The following NUDCD1 variants were observed in gnomAD, a reference collection of about 807,000 sequenced individuals.
NUDCD1 encodes NudC domain containing 1.
NUDCD1 carries 60 observed loss-of-function variants against 67.8 expected under a neutral mutation model. The observed-to-expected ratio is 0.88, with a 90% confidence interval of 0.72 to 1.10. The LOEUF is 1.10. Among genes scored for constraint, NUDCD1 ranks in the 50% least tolerant of loss-of-function variants. The probability of loss-of-function intolerance (pLI) is 0.00; values close to 1 mark genes in which losing one functional copy is unlikely to be tolerated. For missense variants in NUDCD1, 643 were observed against 695.0 expected (o/e 0.93, Z 0.84); for synonymous variants, 244 against 230.8 (o/e 1.06, Z -0.52).
At chr8:109,293,978 C>T (rs1056469961) in intron 3 of NUDCD1, among the ~76,000 whole-genome samples, 1 of 151,936 alleles carries the variant, frequency 6.6e-6, no homozygotes, top group Non-Finnish European at 1.5e-5. Context: ...TTAAAATAAT[C>T]CTAAAGTGTT....
chr8:109,330,699 A>G (rs1356060286), intron 1 of NUDCD1, among the ~76,000 whole-genome samples: 3 of 152,186 alleles, frequency 2.0e-5, no homozygotes, highest in African/African-American at 7.2e-5. Flanking sequence ...ATGGAATACT[A>G]TGCAGCCATA....
intron 1 of NUDCD1, among the ~76,000 whole-genome samples, chr8:109,323,598 A>G (rs1193341102): frequency 1.3e-5 from 2 of 152,082 alleles, no homozygotes; most frequent in Non-Finnish European, 2.9e-5. Context: ...CTATTTGGGG[A>G]GATTAACAAA....
At chr8:109,297,205 T>C (rs1164912157) in intron 2 of NUDCD1, among the ~76,000 whole-genome samples, 1 of 152,216 alleles carries the variant, frequency 6.6e-6, no homozygotes, top group Non-Finnish European at 1.5e-5. Flanking sequence ...AGATCAGTAT[T>C]TTTAACTCAC....
intron 8 of NUDCD1, among the ~76,000 whole-genome samples, chr8:109,251,951 C>T (rs1326002394): frequency 1.3e-5 from 2 of 152,124 alleles, no homozygotes; most frequent in South Asian, 2.1e-4. Context: ...GTTTCATCTT[C>T]GTTCAATACA....
rs547423699 is a variant in NUDCD1 at position 109,249,243 on chromosome 8, A to G, written c.1300-3762T>C. 5.5e-4 allele frequency among the ~76,000 whole-genome samples: 84 copies of G among 152,306 alleles called. 1 individual carries two copies. The highest frequency in any genetic ancestry group is 3.4e-3 in the Middle Eastern group (1 of 294). The stretch of plus-strand genomic sequence containing the variant: ...TATTACCTGTCTAGGAAAGCCCTTA[A>G]TAAGTATTAATGTTAATTATTACCC... On this transcript the variant is annotated intron_variant, in intron 8 of 9. Transcript: ENST00000239690.
At chr8:109,265,394 T>G (rs1389542425) in intron 8 of NUDCD1, among the ~76,000 whole-genome samples, 1 of 152,168 alleles carries the variant, frequency 6.6e-6, no homozygotes, top group East Asian at 1.9e-4. Flanking sequence ...TTTTAAATGT[T>G]TTTTAAACTA....
At chr8:109,251,926 T>C (rs1813631654) in intron 8 of NUDCD1, among the ~76,000 whole-genome samples, 1 of 152,170 alleles carries the variant, frequency 6.6e-6, no homozygotes, top group African/African-American at 2.4e-5. Flanking sequence ...TTTAGCTGTA[T>C]TCCACGTGTG....
rs1412119052 is a variant in NUDCD1, at chr8:109,246,436, T to C, written c.1300-955A>G. Among the ~76,000 whole-genome samples the C allele has an allele frequency of 5.3e-5, 8 of 152,312 alleles. No individual in the cohort carries two copies. The East Asian group carries it at 1.5e-3, about 29-fold the overall frequency. ...AGGCTAAAGAGAAATATCACAATGC[T>C]GGAATTCACACTCAGATGTTTAAAA... On this transcript the variant is annotated intron_variant, in intron 8 of 9. Transcript: ENST00000239690.
At position 109,243,142 on chromosome 8, in the gene NUDCD1, C is replaced by G. The variant is rs1229138907; in HGVS notation, c.1619G>C (p.Gly540Ala). The G allele has an allele frequency of 1.9e-6, 3 of 1,613,872 alleles. No homozygotes were observed. Among genetic ancestry groups the G allele is most frequent in the Admixed American group, 3.3e-5 (2 of 60,010 alleles). The change falls in exon 10 of 10, where the codon GGA becomes GCA. Residue 540 changes from glycine (G) to alanine (A), a missense_variant. Physicochemically the swap from Gly to Ala is moderately conservative, Grantham distance 60. Transcript: ENST00000239690. ...TGCTACTTGCTGCTTAGCAACCTGT[C>G]CTACTTGCCTGCCTTCCTTTCTGTT... ...LYNRKEGRQV[G>A]QVAKQQVASL...
At chr8:109,307,710 T>C (rs970509670) in intron 2 of NUDCD1, among the ~76,000 whole-genome samples, 3 of 152,168 alleles carry the variant, frequency 2.0e-5, no homozygotes, top group Non-Finnish European at 4.4e-5. Context: ...TGGATAAGAA[T>C]TCATCAACCC....
At chr8:109,274,813 T>C (rs950325479) in intron 7 of NUDCD1, among the ~76,000 whole-genome samples, 1 of 152,154 alleles carries the variant, frequency 6.6e-6, no homozygotes, top group African/African-American at 2.4e-5. Flanking sequence ...ACTGCTGTAT[T>C]TGTTCACATT....
chr8:109,332,537 T>C (rs1188143346), intron 1 of NUDCD1, among the ~76,000 whole-genome samples: 1 of 152,058 alleles, frequency 6.6e-6, no homozygotes, highest in African/African-American at 2.4e-5. Context: ...CCTCCAAACA[T>C]ATGAGGAAGT....
chr8:109,248,780 C>T (rs1299008089), intron 8 of NUDCD1, among the ~76,000 whole-genome samples: 2 of 151,526 alleles, frequency 1.3e-5, no homozygotes, highest in Non-Finnish European at 2.9e-5. Flanking sequence ...CGAAACCTGA[C>T]CCCAGCATAC....
chr8:109,294,420 C>G (rs1814790215), intron 3 of NUDCD1, among the ~76,000 whole-genome samples: 2 of 151,758 alleles, frequency 1.3e-5, no homozygotes, highest in Admixed American at 1.3e-4. Flanking sequence ...ACAGAAAAAA[C>G]AAAAGCTTAA....
At chr8:109,246,858 A>C (rs979830538) in intron 8 of NUDCD1, among the ~76,000 whole-genome samples, 1 of 152,160 alleles carries the variant, frequency 6.6e-6, no homozygotes, top group Non-Finnish European at 1.5e-5. Context: ...CCTGACCTGA[A>C]TTCAACAGGG....
At chr8:109,249,716 C>T (rs577946559) in intron 8 of NUDCD1, among the ~76,000 whole-genome samples, 1 of 152,184 alleles carries the variant, frequency 6.6e-6, no homozygotes, top group South Asian at 2.1e-4. Context: ...ATACTCAAAA[C>T]CAAGTACCTT....
At chr8:109,311,165 A>G (rs2060201016) in intron 2 of NUDCD1, among the ~76,000 whole-genome samples, 1 of 152,172 alleles carries the variant, frequency 6.6e-6, no homozygotes. Flanking sequence ...AAAGCATATG[A>G]AAAACTCAAC....
chr8:109,248,694 C>G (rs1813554793), intron 8 of NUDCD1, among the ~76,000 whole-genome samples: 1 of 146,740 alleles, frequency 6.8e-6, no homozygotes, highest in South Asian at 2.2e-4. Context: ...TAATTTCCCT[C>G]TATAGCTTTC....
intron 2 of NUDCD1, chr8:109,315,247 A>T (rs1321023241): frequency 6.6e-6 from 1 of 152,178 alleles, no homozygotes. Flanking sequence ...TGCCACTTCA[A>T]CATGAAGCAG....
Sources: allele counts gnomAD v4.1 joint callset (sites outside exome capture counted in the v4.1 genomes callset), GRCh38; gene constraint gnomAD v4.1.1; transcripts MANE v1.5; gene names NCBI Gene and HGNC (gene_info 2026-07-23, HGNC 2026-07-21).